The following CTNNA3 variants were observed in gnomAD, a reference collection of about 807,000 sequenced individuals.
CTNNA3 encodes the protein catenin alpha 3.
Under a neutral mutation model 95.7 loss-of-function variants are expected in CTNNA3, and 76 were observed. The observed-to-expected ratio is 0.79, with a 90% CI of 0.66 to 0.96. CTNNA3 has a LOEUF of 0.96. Ranked by LOEUF, CTNNA3 falls within the 40% of genes least tolerant of loss-of-function variation. The probability of loss-of-function intolerance (pLI) is 0.00; values close to 1 mark genes in which losing one functional copy is unlikely to be tolerated. For synonymous variants in CTNNA3, 431 were observed against 374.4 expected (o/e 1.15, Z -1.74); for missense variants, 1,191 against 1,089.8 (o/e 1.09, Z -1.31).
At chr10:66,552,095 G>C (rs1008166125) in intron 10 of CTNNA3, among the ~76,000 whole-genome samples, 1 of 151,756 alleles carries the variant, frequency 6.6e-6, no homozygotes, top group Non-Finnish European at 1.5e-5. Flanking sequence ...AGGAGAGACG[G>C]GGTTTCATCG....
At chr10:67,061,626 G>A (rs575490264) in intron 7 of CTNNA3, among the ~76,000 whole-genome samples, 8 of 152,176 alleles carry the variant, frequency 5.3e-5, no homozygotes, top group Non-Finnish European at 1.2e-4. Flanking sequence ...AGAAGAGAAA[G>A]GATGTTCCAC....
chr10:67,248,289 G>T lies in CTNNA3; in HGVS notation c.580-28419C>A, dbSNP rs114531486. ...GGGTGTTGAAACTGCAGTGAGCCCT[G>T]ATTGTGTCACTGCACTCCAGCATAG... On this transcript the variant is annotated intron_variant, in intron 5 of 17. Coordinates refer to ENST00000433211, the MANE Select transcript of CTNNA3 (RefSeq NM_013266.4). Among the ~76,000 whole-genome samples the T allele has an allele frequency of 4.1e-3, 629 of 152,296 alleles. 5 individuals carry two copies. The highest frequency in any genetic ancestry group is 0.014 in the African/African-American group (594 of 41,578).
intron 7 of CTNNA3, among the ~76,000 whole-genome samples, chr10:66,798,649 G>T (rs1029062689): frequency 4.6e-5 from 7 of 151,610 alleles, no homozygotes; most frequent in Non-Finnish European, 1.0e-4. Context: ...ATAGTGCATT[G>T]AATTCTAGGA....
chr10:67,368,443 C>T (rs1406533629), intron 5 of CTNNA3, among the ~76,000 whole-genome samples: 1 of 152,092 alleles, frequency 6.6e-6, no homozygotes, highest in Non-Finnish European at 1.5e-5. Flanking sequence ...CTTTGGAAAA[C>T]AGTTTGATGA....
At chr10:67,423,878 C>G (rs929240299) in intron 5 of CTNNA3, among the ~76,000 whole-genome samples, 6 of 152,064 alleles carry the variant, frequency 3.9e-5, no homozygotes, top group Non-Finnish European at 8.8e-5. Flanking sequence ...CTATTGTTAT[C>G]AAAAACGAAA....
At chr10:67,299,888 A>T (rs1840197396) in intron 5 of CTNNA3, among the ~76,000 whole-genome samples, 2 of 152,216 alleles carry the variant, frequency 1.3e-5, no homozygotes, top group South Asian at 4.1e-4. Flanking sequence ...ACTTGACATA[A>T]GGCAGAATTT....
chr10:66,544,473 A>C (rs183541697), intron 10 of CTNNA3, among the ~76,000 whole-genome samples: 8 of 152,272 alleles, frequency 5.3e-5, no homozygotes, highest in Admixed American at 5.2e-4. Context: ...GATATAGCCC[A>C]AAAACCAAGC....
intron 2 of CTNNA3, among the ~76,000 whole-genome samples, chr10:67,623,809 G>A (rs999563609): frequency 3.9e-5 from 6 of 152,058 alleles, no homozygotes; most frequent in Middle Eastern, 3.4e-3. Context: ...TGGTACCCTG[G>A]TATGTTTATT....
At chr10:66,010,435 G>C (rs547954608) in intron 15 of CTNNA3, among the ~76,000 whole-genome samples, 1 of 152,198 alleles carries the variant, frequency 6.6e-6, no homozygotes, top group Non-Finnish European at 1.5e-5. Context: ...AAAGGAGAAA[G>C]AGGAATTCAA....
At chr10:65,996,477 G>C in intron 15 of CTNNA3, among the ~76,000 whole-genome samples, 1 of 152,148 alleles carries the variant, frequency 6.6e-6, no homozygotes, top group East Asian at 1.9e-4. Context: ...TTCTAGGGAT[G>C]TAGGAATGCA....
intron 10 of CTNNA3, among the ~76,000 whole-genome samples, chr10:66,533,199 T>C (rs1841531563): frequency 6.6e-6 from 1 of 152,146 alleles, no homozygotes. Flanking sequence ...TCAGCACCCC[T>C]CGATTTCCAC....
At chr10:67,401,028 C>A (rs538284860) in intron 5 of CTNNA3, among the ~76,000 whole-genome samples, 1 of 152,134 alleles carries the variant, frequency 6.6e-6, no homozygotes, top group South Asian at 2.1e-4. Flanking sequence ...TAGGCAAATA[C>A]AAAAAGTAAA....
chr10:67,028,151 G>T lies in CTNNA3; in HGVS notation c.1047+152166C>A, dbSNP rs114371473. Among the ~76,000 whole-genome samples, 879 of 152,246 alleles carry T rather than the reference G, an allele frequency of 5.8e-3. 10 individuals carry two copies. The highest frequency in any genetic ancestry group is 0.02 in the African/African-American group (836 of 41,534). On this transcript the variant is annotated intron_variant, in intron 7 of 17. Transcript: ENST00000433211. ...GATGAGTGTATGCTGCACTGCATTG[G>T]ACAACTTTATATGGAGCCCAACCTT...
intron 2 of CTNNA3, among the ~76,000 whole-genome samples, chr10:67,623,814 T>TTTA (rs1010102974): frequency 6.6e-6 from 1 of 151,728 alleles, no homozygotes. Flanking sequence ...CCCTGGTATG[T>TTTA]TTATTATTAT....
intron 11 of CTNNA3, among the ~76,000 whole-genome samples, chr10:66,389,866 G>A (rs72804774): frequency 0.015 from 2,219 of 152,034 alleles, 31 homozygotes; most frequent in Non-Finnish European, 0.023. Context: ...AGGCTCCCAA[G>A]TAGCTAGAAC....
chr10:67,362,238 G>T (rs916277040), intron 5 of CTNNA3, among the ~76,000 whole-genome samples: 2 of 152,014 alleles, frequency 1.3e-5, no homozygotes, highest in Admixed American at 1.3e-4. Flanking sequence ...CGAAAAAACA[G>T]AGGAGGAGAA....
rs563857611 is a variant in CTNNA3, at chr10:66,566,062, A to G, written c.1375-45289T>C. 4.6e-5 allele frequency among the ~76,000 whole-genome samples: 7 copies of G among 152,292 alleles called. No homozygotes were observed. The East Asian group carries it at 1.4e-3, about 29-fold the overall frequency. On this transcript the variant is annotated intron_variant, in intron 10 of 17. Coordinates refer to ENST00000433211, the MANE Select transcript of CTNNA3 (RefSeq NM_013266.4). ...TTCTGTGGAGAGTGGGAAACACTAA[A>G]TTTTATTTATTGACTTTCAGTGGGA...
intron 1 of CTNNA3, among the ~76,000 whole-genome samples, chr10:67,679,880 A>G (rs943592571): frequency 3.3e-5 from 5 of 152,228 alleles, no homozygotes; most frequent in Non-Finnish European, 5.9e-5. Context: ...TGCCACTTCT[A>G]GGGATCTGAA....
At chr10:67,403,948 C>T (rs181908398) in intron 5 of CTNNA3, among the ~76,000 whole-genome samples, 21 of 152,218 alleles carry the variant, frequency 1.4e-4, no homozygotes, top group African/African-American at 3.6e-4. Context: ...CTGAAGCAGC[C>T]GCCCAGCAAA....
Sources: allele counts gnomAD v4.1 joint callset (sites outside exome capture counted in the v4.1 genomes callset), GRCh38; gene constraint gnomAD v4.1.1; transcripts MANE v1.5; gene names NCBI Gene and HGNC (gene_info 2026-07-23, HGNC 2026-07-21).